The following DPYSL2 variants were observed in gnomAD, a reference collection of about 807,000 sequenced individuals.
DPYSL2 encodes the protein dihydropyrimidinase like 2.
Under a neutral mutation model 69.9 loss-of-function variants are expected in DPYSL2, and 13 were observed. That is an observed-to-expected ratio of 0.19 (90% CI 0.12 to 0.30). DPYSL2 has a LOEUF of 0.30. DPYSL2 is among the 10% of genes least tolerant of loss of function. The pLI, the probability that DPYSL2 is intolerant of heterozygous loss-of-function variation, is 1.00. For synonymous variants in DPYSL2, 326 were observed against 359.1 expected (o/e 0.91, Z 1.04); for missense variants, 587 against 918.9 (o/e 0.64, Z 4.67).
At chr8:26,629,810 G>A (rs1585558889) in intron 7 of DPYSL2, among the ~76,000 whole-genome samples, 2 of 152,214 alleles carry the variant, frequency 1.3e-5, no homozygotes, top group South Asian at 4.2e-4. Flanking sequence ...GCCCAGGCAG[G>A]TCTCGAACTC....
rs753542342 is a variant in DPYSL2, at chr8:26,583,786, C to A, written c.444-13C>A. On this transcript the variant is annotated splice_polypyrimidine_tract_variant and intron_variant, in intron 2 of 13. Coordinates refer to ENST00000521913, the MANE Select transcript of DPYSL2 (RefSeq NM_001197293.3). Reference sequence around the variant, plus strand: ...TTCATTTACAACCCTTATCACCAACCCTGTTTATTTAGGCAAATAGGAGAA... The same window carrying A: ...TTCATTTACAACCCTTATCACCAACACTGTTTATTTAGGCAAATAGGAGAA... 1 of 1,603,378 alleles carries A rather than the reference C, an allele frequency of 6.2e-7. No homozygotes were observed. The highest frequency in any genetic ancestry group is 1.1e-5 in the South Asian group (1 of 89,444).
rs577044988 is a variant in DPYSL2, at chr8:26,562,234, A to G, written c.355-19735A>G. The stretch of plus-strand genomic sequence containing the variant: ...TTTGGGTCCTGGGGAAAGTTCCTTA[A>G]TCTCACTTTGTTTCCACTCTACCTC... On this transcript the variant is annotated intron_variant, in intron 1 of 13. Transcript: ENST00000521913. This position sits in a 1 kb window ranked among gnomAD's most constrained non-coding sequence, Gnocchi z 4.9. Among the ~76,000 whole-genome samples the G allele has an allele frequency of 3.9e-5, 6 of 152,220 alleles. No individual in the cohort carries two copies. In the South Asian group the frequency reaches 1.2e-3, roughly 32 times the overall value.
chr8:26,622,144 T>TCCTTCCTA (rs1802501697), intron 3 of DPYSL2, among the ~76,000 whole-genome samples: 1 of 55,394 alleles, frequency 1.8e-5, no homozygotes, highest in Non-Finnish European at 4.4e-5. Flanking sequence ...CTTCCTTCCT[T>TCCTTCCTA]CCTTCCTTCC....
intron 1 of DPYSL2, among the ~76,000 whole-genome samples, chr8:26,572,459 C>T (rs758140021): frequency 1.1e-4 from 16 of 152,222 alleles, no homozygotes; most frequent in Non-Finnish European, 2.1e-4. Flanking sequence ...CTTGAGCCCC[C>T]AGCCTTGTCA....
intron 1 of DPYSL2, among the ~76,000 whole-genome samples, chr8:26,550,270 G>A (rs1800851660): frequency 6.6e-6 from 1 of 152,100 alleles, no homozygotes; most frequent in African/African-American, 2.4e-5. Context: ...GCAATGACCA[G>A]AAAAAGCTAA....
At position 26,654,096 on chromosome 8, in the gene DPYSL2, G is replaced by A. The variant is rs7845756; in HGVS notation, c.1942+699G>A. Among the ~76,000 whole-genome samples, 13,109 of 152,104 alleles carry A rather than the reference G, an allele frequency of 0.086. 1,786 individuals are homozygous for A. The highest frequency in any genetic ancestry group is 0.29 in the African/African-American group (11,881 of 41,436). On this transcript the variant is annotated intron_variant, in intron 13 of 13. Coordinates refer to ENST00000521913, the MANE Select transcript of DPYSL2 (RefSeq NM_001197293.3). The surrounding 1 kb of genome is among the most constrained non-coding windows in gnomAD (Gnocchi z 5.0). The stretch of plus-strand genomic sequence containing the variant: ...TGGAGTTTCAACAGCCTAACTTCAG[G>A]GCTCAGCTCTGGCTGTGCTTCAGTC...
chr8:26,571,559 G>A lies in DPYSL2; in HGVS notation c.355-10410G>A, dbSNP rs142495785. Reference sequence around the variant, plus strand: ...CAGGAGTTCTTCAGGAGGTGTGTGCGCTAACTGGGGATAAGAGAAAGCCCG... The same window carrying A: ...CAGGAGTTCTTCAGGAGGTGTGTGCACTAACTGGGGATAAGAGAAAGCCCG... On this transcript the variant is annotated intron_variant, in intron 1 of 13. Coordinates refer to ENST00000521913, the MANE Select transcript of DPYSL2 (RefSeq NM_001197293.3). The surrounding 1 kb of genome is among the most constrained non-coding windows in gnomAD (Gnocchi z 6.1). 4.2e-4 allele frequency among the ~76,000 whole-genome samples: 64 copies of A among 152,270 alleles called. No homozygotes were observed. The highest frequency in any genetic ancestry group is 1.3e-3 in the African/African-American group (52 of 41,542).
In DPYSL2 at chr8:26,608,528, T is replaced by C. The variant is rs544141946; in HGVS notation, c.629-15615T>C. On this transcript the variant is annotated intron_variant, in intron 3 of 13. Transcript: ENST00000521913. ...AATACCTGTGAGGAAGTATTTACAT[T>C]TGTTACGGTGGTGCTGGGCTGAGTT... is the stretch of plus-strand genomic sequence containing the variant. 3.0e-4 allele frequency among the ~76,000 whole-genome samples: 46 copies of C among 152,330 alleles called. 1 individual carries two copies. Among genetic ancestry groups the C allele is most frequent in the African/African-American group, 1.0e-3 (43 of 41,564 alleles).
chr8:26,543,631 G>A (rs1016017234), intron 1 of DPYSL2, among the ~76,000 whole-genome samples: 2 of 152,144 alleles, frequency 1.3e-5, no homozygotes, highest in African/African-American at 4.8e-5. Context: ...GGGATTACAG[G>A]CATGTGCCAC....
At chr8:26,606,248 A>C (rs933095249) in intron 3 of DPYSL2, among the ~76,000 whole-genome samples, 3 of 152,320 alleles carry the variant, frequency 2.0e-5, no homozygotes, top group Admixed American at 6.5e-5. Context: ...AACTATTTTG[A>C]AAACCAAAGT....
chr8:26,644,440 A>G lies in DPYSL2; in HGVS notation c.1425+349A>G, dbSNP rs532526355. On this transcript the variant is annotated intron_variant, in intron 10 of 13. Coordinates refer to ENST00000521913, the MANE Select transcript of DPYSL2 (RefSeq NM_001197293.3). This position sits in a 1 kb window ranked among gnomAD's most constrained non-coding sequence, Gnocchi z 4.5. ...TCCCATCTCAGTCTCCTGAGTAGCT[A>G]GGACCACAGGCTCAGACCACCATGC... Among the ~76,000 whole-genome samples, 15 of 152,116 alleles carry G rather than the reference A, an allele frequency of 9.9e-5. No homozygotes were observed. The highest frequency in any genetic ancestry group is 4.2e-4 in the South Asian group (2 of 4,816).
In DPYSL2 at chr8:26,647,835, C is replaced by T. The variant is rs762399572; in HGVS notation, c.1596+35C>T. ...GTTAACTGTGCAGACCCCATCCAAA[C>T]GAATTACAGTCACAGAGACACAGAC... On this transcript the variant is annotated intron_variant, in intron 11 of 13. Coordinates refer to ENST00000521913, the MANE Select transcript of DPYSL2 (RefSeq NM_001197293.3). The surrounding 1 kb of genome is among the most constrained non-coding windows in gnomAD (Gnocchi z 5.1). The T allele has an allele frequency of 1.8e-5, 28 of 1,567,930 alleles. No individual in the cohort carries two copies. The highest frequency in any genetic ancestry group is 2.2e-5 in the Non-Finnish European group (26 of 1,156,110).
intron 1 of DPYSL2, among the ~76,000 whole-genome samples, chr8:26,572,042 G>A (rs1801244540): frequency 1.3e-5 from 2 of 152,216 alleles, no homozygotes; most frequent in South Asian, 4.1e-4. Flanking sequence ...TGCAGGCTGT[G>A]TTAGAGGCCA....
intron 8 of DPYSL2, among the ~76,000 whole-genome samples, chr8:26,639,839 T>G (rs969070069): frequency 6.6e-6 from 1 of 152,202 alleles, no homozygotes; most frequent in African/African-American, 2.4e-5. Flanking sequence ...GAATCATTAG[T>G]GCCTTTCAAC....
chr8:26,595,434 C>G (rs1801837310), intron 3 of DPYSL2, among the ~76,000 whole-genome samples: 1 of 152,120 alleles, frequency 6.6e-6, no homozygotes, highest in African/African-American at 2.4e-5. Flanking sequence ...ATAACTCTTG[C>G]TATCTTTGAA....
intron 1 of DPYSL2, 45 bp from the exon 2 acceptor site, chr8:26,581,924 C>T (rs760149612): frequency 7.1e-7 from 1 of 1,404,644 alleles, no homozygotes; most frequent in Non-Finnish European, 1.0e-6. Flanking sequence ...ACCTGTTTCT[C>T]ATAGGTCAGT....
In DPYSL2 at chr8:26,628,296, A is replaced by T. The variant is rs754820552; in HGVS notation, c.1005+356A>T. 3.9e-5 allele frequency among the ~76,000 whole-genome samples: 6 copies of T among 152,254 alleles called. No individual in the cohort carries two copies. In the Middle Eastern group the frequency reaches 0.01, roughly 259 times the overall value. On this transcript the variant is annotated intron_variant, in intron 7 of 13. Coordinates refer to ENST00000521913, the MANE Select transcript of DPYSL2 (RefSeq NM_001197293.3). ...CAATATCTTACCAAAATTCACCAAA[A>T]CGTAGTTGGAAGGATGGAAAAGCTC... is the stretch of plus-strand genomic sequence containing the variant.
At chr8:26,556,005 A>G (rs1800942033) in intron 1 of DPYSL2, among the ~76,000 whole-genome samples, 1 of 98,510 alleles carries the variant, frequency 1.0e-5, no homozygotes. Context: ...TATATAGTAT[A>G]TATTATATAT....
intron 1 of DPYSL2, among the ~76,000 whole-genome samples, chr8:26,556,263 A>G (rs1405446940): frequency 3.9e-4 from 2 of 5,176 alleles, no homozygotes; most frequent in African/African-American, 6.6e-4. Flanking sequence ...TATATATACT[A>G]TAGTATATAT....
Sources: allele counts gnomAD v4.1 joint callset (sites outside exome capture counted in the v4.1 genomes callset), GRCh38; gene constraint gnomAD v4.1.1; non-coding constraint Gnocchi (gnomAD v3.1); transcripts MANE v1.5; gene names NCBI Gene and HGNC (gene_info 2026-07-23, HGNC 2026-07-21).